LINGO2: variants seen among roughly 807,000 people sequenced by gnomAD.
LINGO2 encodes leucine-rich repeat and immunoglobulin-like domain-containing nogo receptor-interacting protein 2.
A neutral mutation model predicts 30.6 loss-of-function variants in LINGO2; 14 were observed. That is an observed-to-expected ratio of 0.46 (90% confidence interval 0.30 to 0.72). The LOEUF (loss-of-function observed/expected upper bound fraction) is 0.72, where lower values mean the gene tolerates loss of function less well. LINGO2 is among the 30% of genes least tolerant of loss of function. LINGO2 has a pLI of 0.07. For synonymous variants in LINGO2, 317 were observed against 288.5 expected (o/e 1.10, Z -1.00); for missense variants, 729 against 751.7 (o/e 0.97, Z 0.35).
the LINGO2 span, among the ~76,000 whole-genome samples, chr9:28,883,628 G>GTGTGTATGTGTGTATATA: frequency 3.1e-5 from 2 of 64,178 alleles, no homozygotes; most frequent in African/African-American, 1.2e-4. Flanking sequence ...ATGTGTGTGT[G>GTGTGTATGTGTGTATATA]TATATATATA....
chr9:28,827,423 T>G, the LINGO2 span, among the ~76,000 whole-genome samples: 1 of 152,216 alleles, frequency 6.6e-6, no homozygotes, highest in African/African-American at 2.4e-5. Context: ...AATTATGAGT[T>G]ATAAAACTTA....
intron 4 of LINGO2, among the ~76,000 whole-genome samples, chr9:28,157,327 C>T (rs1282682498): frequency 6.6e-6 from 1 of 152,226 alleles, no homozygotes; most frequent in Non-Finnish European, 1.5e-5. Context: ...ATGGTCCAAG[C>T]TCTACATTGA....
intron 1 of LINGO2, among the ~76,000 whole-genome samples, chr9:28,560,851 T>G (rs957013295): frequency 2.0e-5 from 3 of 151,786 alleles, no homozygotes; most frequent in East Asian, 3.9e-4. Context: ...GTGTGTGTGT[T>G]TTTGGTAGAG....
the LINGO2 span, among the ~76,000 whole-genome samples, chr9:28,782,817 A>G: frequency 6.6e-6 from 1 of 152,208 alleles, no homozygotes; most frequent in African/African-American, 2.4e-5. Context: ...CATTCTGAGA[A>G]ATGGAAGTTG....
intron 4 of LINGO2, among the ~76,000 whole-genome samples, chr9:28,076,377 T>C (rs1424761352): frequency 2.0e-5 from 3 of 152,140 alleles, no homozygotes; most frequent in African/African-American, 7.2e-5. Flanking sequence ...AATCAGTGTC[T>C]TTAACTTCCC....
intron 4 of LINGO2, among the ~76,000 whole-genome samples, chr9:28,017,392 T>C (rs1822892342): frequency 6.6e-6 from 1 of 152,062 alleles, no homozygotes; most frequent in South Asian, 2.1e-4. Flanking sequence ...AGAGAGGAAA[T>C]CAAAGTATCT....
intron 2 of LINGO2, among the ~76,000 whole-genome samples, chr9:28,390,760 C>A (rs1004318416): frequency 6.6e-6 from 1 of 152,056 alleles, no homozygotes; most frequent in Non-Finnish European, 1.5e-5. Context: ...AAATTCAAAG[C>A]AATTTGGTTT....
the LINGO2 span, among the ~76,000 whole-genome samples, chr9:28,922,203 C>T: frequency 6.6e-6 from 1 of 152,208 alleles, no homozygotes; most frequent in Non-Finnish European, 1.5e-5. Context: ...ACCAGTCCCA[C>T]AATGAACATT....
the LINGO2 span, among the ~76,000 whole-genome samples, chr9:28,819,329 A>C: frequency 6.6e-6 from 1 of 152,016 alleles, no homozygotes; most frequent in Non-Finnish European, 1.5e-5. Flanking sequence ...AGCTTTCTCT[A>C]ATCTCCACCC....
chr9:29,137,311 G>A, the LINGO2 span, among the ~76,000 whole-genome samples: 839 of 152,164 alleles, frequency 5.5e-3, 11 homozygotes, highest in African/African-American at 0.019. Context: ...TATTATTCAC[G>A]TTTTTACATT....
intron 1 of LINGO2, among the ~76,000 whole-genome samples, chr9:28,613,281 T>C (rs1825995192): frequency 6.6e-6 from 1 of 152,116 alleles, no homozygotes; most frequent in African/African-American, 2.4e-5. Flanking sequence ...ATATATAATG[T>C]ATATTGATGT....
chr9:28,625,523 G>A (rs748234029), intron 1 of LINGO2, among the ~76,000 whole-genome samples: 3 of 152,110 alleles, frequency 2.0e-5, no homozygotes, highest in African/African-American at 4.8e-5. Flanking sequence ...TGGTGTTCCT[G>A]CAGGGGGAAT....
intron 3 of LINGO2, among the ~76,000 whole-genome samples, chr9:28,344,502 T>G (rs1461182012): frequency 6.6e-6 from 1 of 152,132 alleles, no homozygotes; most frequent in East Asian, 1.9e-4. Flanking sequence ...GTCTATACAT[T>G]CATGATTAGG....
the LINGO2 span, among the ~76,000 whole-genome samples, chr9:28,848,397 GTATATATATATA>G: frequency 2.1e-4 from 10 of 48,440 alleles, no homozygotes; most frequent in South Asian, 8.6e-4. Flanking sequence ...GTGTGTGTGT[GTATATATATATA>G]TATATATATA....
At chr9:28,888,892 C>T in the LINGO2 span, 101 of 534,026 alleles carry the variant, frequency 1.9e-4, no homozygotes, top group Non-Finnish European at 3.3e-4. Flanking sequence ...TGGGTGTTCC[C>T]GGGAACTCAT....
the LINGO2 span, among the ~76,000 whole-genome samples, chr9:29,106,107 G>A: frequency 6.6e-6 from 1 of 152,046 alleles, no homozygotes; most frequent in African/African-American, 2.4e-5. Context: ...TTGTTATGCA[G>A]CAATAGAAAA....
At chr9:28,348,022 A>C (rs981097614) in intron 3 of LINGO2, among the ~76,000 whole-genome samples, 12 of 152,196 alleles carry the variant, frequency 7.9e-5, no homozygotes, top group Non-Finnish European at 7.3e-5. Flanking sequence ...CTATTCTCAG[A>C]AGTATTTTAG....
chr9:28,489,217 G>T (rs1489134604), intron 1 of LINGO2, among the ~76,000 whole-genome samples: 1 of 152,080 alleles, frequency 6.6e-6, no homozygotes, highest in Non-Finnish European at 1.5e-5. Context: ...ATCCAGGGAG[G>T]TGAGAGTAGC....
chr9:28,819,576 A>T, the LINGO2 span, among the ~76,000 whole-genome samples: 1 of 152,088 alleles, frequency 6.6e-6, no homozygotes. Context: ...TGAATCCTGG[A>T]GTGTCTACCA....
Sources: gnomAD v4.1 joint callset for allele counts (sites outside exome capture counted in the v4.1 genomes callset) on GRCh38, gnomAD v4.1.1 for gene constraint, MANE v1.5 for transcripts, NCBI Gene and HGNC (gene_info 2026-07-23, HGNC 2026-07-21) for gene names.